The following DPP10 variants were observed in gnomAD, a reference collection of about 807,000 sequenced individuals.
The protein encoded by DPP10 is inactive dipeptidyl peptidase 10.
DPP10 carries 33 observed loss-of-function variants against 120.9 expected under a neutral mutation model. The ratio of observed to expected loss-of-function variants is 0.27; its 90% CI spans 0.21 to 0.37. DPP10 has a LOEUF of 0.37. DPP10 is among the 10% of genes least tolerant of loss of function. DPP10 has a pLI of 1.00. For missense variants in DPP10, 816 were observed against 942.8 expected (o/e 0.87, Z 1.76); for synonymous variants, 337 against 326.1 (o/e 1.03, Z -0.36).
chr2:114,896,454 C>A (rs1442920677), intron 1 of DPP10, among the ~76,000 whole-genome samples: 2 of 152,040 alleles, frequency 1.3e-5, no homozygotes, highest in Non-Finnish European at 2.9e-5. Flanking sequence ...CCTTCACGTC[C>A]CTTGTAAGTT....
At chr2:114,513,909 A>G (rs901719556) in intron 1 of DPP10, among the ~76,000 whole-genome samples, 2 of 152,232 alleles carry the variant, frequency 1.3e-5, no homozygotes, top group African/African-American at 4.8e-5. Flanking sequence ...TTAAGAAATC[A>G]GCATAATTAT....
chr2:115,079,933 C>A (rs1307836865), intron 1 of DPP10, among the ~76,000 whole-genome samples: 2 of 152,124 alleles, frequency 1.3e-5, no homozygotes, highest in Non-Finnish European at 2.9e-5. Context: ...TAAGGAGAGG[C>A]TTTGTGATGA....
chr2:115,208,272 T>C (rs1192468950), intron 1 of DPP10, among the ~76,000 whole-genome samples: 1 of 150,604 alleles, frequency 6.6e-6, no homozygotes, highest in Non-Finnish European at 1.5e-5. Flanking sequence ...CGATCTTGGC[T>C]CACTGCAACC....
At chr2:115,623,269 C>T (rs1465866463) in intron 5 of DPP10, among the ~76,000 whole-genome samples, 1 of 151,562 alleles carries the variant, frequency 6.6e-6, no homozygotes, top group Non-Finnish European at 1.5e-5. Flanking sequence ...AAAAAGTTCA[C>T]CAGCCTCTGC....
intron 1 of DPP10, among the ~76,000 whole-genome samples, chr2:114,934,851 AT>A (rs1202667573): frequency 3.9e-5 from 6 of 152,060 alleles, no homozygotes; most frequent in Non-Finnish European, 8.8e-5. Context: ...CATAGCGTTC[AT>A]TTTTATATTG....
rs543742017 is a variant in DPP10, at chr2:115,796,874, C to G, written c.1700+5518C>G. Among the ~76,000 whole-genome samples the G allele has an allele frequency of 2.6e-5, 4 of 152,028 alleles. No individual in the cohort carries two copies. In the East Asian group the frequency reaches 5.8e-4, roughly 22 times the overall value. On this transcript the variant is annotated intron_variant, in intron 19 of 25. Transcript: ENST00000410059. ...CTAAAATAGGTCATGTATGTGTTCC[C>G]CCAAGTTCACAGAAGGAAAAGTTAA...
At chr2:115,447,039 A>G (rs1378024022) in intron 3 of DPP10, among the ~76,000 whole-genome samples, 3 of 152,186 alleles carry the variant, frequency 2.0e-5, no homozygotes, top group Non-Finnish European at 4.4e-5. Context: ...ACACCAACCC[A>G]TGAGAACAGA....
At chr2:115,396,290 C>T (rs1201728990) in intron 3 of DPP10, among the ~76,000 whole-genome samples, 1 of 152,158 alleles carries the variant, frequency 6.6e-6, no homozygotes, top group Admixed American at 6.5e-5. Context: ...CAAGGTTATA[C>T]AAGCAACTGT....
intron 5 of DPP10, among the ~76,000 whole-genome samples, chr2:115,534,237 TC>T (rs1399725568): frequency 6.6e-6 from 1 of 152,084 alleles, no homozygotes; most frequent in Non-Finnish European, 1.5e-5. Flanking sequence ...ATTAGGTATA[TC>T]TCCCAATGCT....
intron 1 of DPP10, among the ~76,000 whole-genome samples, chr2:114,860,892 G>A (rs528296308): frequency 2.6e-5 from 4 of 152,146 alleles, no homozygotes; most frequent in Non-Finnish European, 5.9e-5. Flanking sequence ...CCTCTCCAGA[G>A]GCAACCAATA....
chr2:114,450,881 G>A (rs1678230524), intron 1 of DPP10, among the ~76,000 whole-genome samples: 1 of 152,060 alleles, frequency 6.6e-6, no homozygotes, highest in African/African-American at 2.4e-5. Context: ...GGGCTTTTCA[G>A]GGGGACTGTT....
chr2:114,741,597 C>G (rs1455713983), intron 1 of DPP10, among the ~76,000 whole-genome samples: 1 of 152,102 alleles, frequency 6.6e-6, no homozygotes, highest in Non-Finnish European at 1.5e-5. Flanking sequence ...CACTTGGTAC[C>G]TATAAATATG....
intron 1 of DPP10, among the ~76,000 whole-genome samples, chr2:114,519,014 G>A (rs1684833895): frequency 6.6e-6 from 1 of 152,202 alleles, no homozygotes; most frequent in African/African-American, 2.4e-5. Flanking sequence ...TGAAGAAAAG[G>A]TTTGCCTGTG....
intron 3 of DPP10, among the ~76,000 whole-genome samples, chr2:115,408,148 A>G (rs1321151480): frequency 6.6e-6 from 1 of 151,882 alleles, no homozygotes; most frequent in African/African-American, 2.4e-5. Flanking sequence ...TCACAAGGGG[A>G]CTTAGGTGAT....
At chr2:115,054,319 A>G (rs1272926268) in intron 1 of DPP10, among the ~76,000 whole-genome samples, 1 of 152,180 alleles carries the variant, frequency 6.6e-6, no homozygotes, top group African/African-American at 2.4e-5. Context: ...TAGCTGTCAG[A>G]TAGTTGACAT....
chr2:115,063,980 C>G (rs888294706), intron 1 of DPP10, among the ~76,000 whole-genome samples: 1 of 152,026 alleles, frequency 6.6e-6, no homozygotes, highest in African/African-American at 2.4e-5. Context: ...CAATGGGTTT[C>G]ACAGTGTTGG....
At chr2:115,169,899 T>C (rs890601545) in intron 1 of DPP10, among the ~76,000 whole-genome samples, 13 of 152,176 alleles carry the variant, frequency 8.5e-5, no homozygotes, top group African/African-American at 3.1e-4. Context: ...AAAAGCTATT[T>C]TTATTATTCT....
intron 5 of DPP10, among the ~76,000 whole-genome samples, chr2:115,679,592 T>A (rs1029810851): frequency 6.6e-6 from 1 of 152,206 alleles, no homozygotes; most frequent in Non-Finnish European, 1.5e-5. Context: ...GGAATCATTG[T>A]AAGTGTCCAT....
chr2:115,279,193 A>G (rs2060038025), intron 1 of DPP10, among the ~76,000 whole-genome samples: 1 of 151,646 alleles, frequency 6.6e-6, no homozygotes, highest in Non-Finnish European at 1.5e-5. Context: ...TTGACCAGAA[A>G]TGGACATTAA....
Sources: allele counts gnomAD v4.1 joint callset (sites outside exome capture counted in the v4.1 genomes callset), GRCh38; gene constraint gnomAD v4.1.1; transcripts MANE v1.5; gene names NCBI Gene and HGNC (gene_info 2026-07-23, HGNC 2026-07-21).